MUSK: variants seen among roughly 807,000 people sequenced by gnomAD.
MUSK encodes muscle associated receptor tyrosine kinase, also known as muscle, skeletal receptor tyrosine-protein kinase.
In MUSK, 55 loss-of-function variants were observed where a neutral mutation model predicts 88.7. The ratio of observed to expected loss-of-function variants is 0.62; its 90% confidence interval spans 0.50 to 0.78. The LOEUF (loss-of-function observed/expected upper bound fraction) is 0.78, where lower values mean the gene tolerates loss of function less well. Among genes scored for constraint, MUSK ranks in the 30% least tolerant of loss-of-function variants. MUSK has a pLI of 0.00. For synonymous variants in MUSK, 387 were observed against 391.9 expected (o/e 0.99, Z 0.15); for missense variants, 1,015 against 1,074.3 (o/e 0.94, Z 0.77).
intron 13 of MUSK, among the ~76,000 whole-genome samples, chr9:110,787,016 GA>G (rs2077879846): frequency 6.6e-6 from 1 of 152,164 alleles, no homozygotes; most frequent in Non-Finnish European, 1.5e-5. Context: ...GTACAAAGAT[GA>G]GTAAGCCATA....
In MUSK at chr9:110,802,407, C is replaced by A. The variant is rs142917937; in HGVS notation, c.*1419C>A. On this transcript the variant is annotated 3_prime_UTR_variant, in exon 15 of 15. Coordinates refer to ENST00000374448, the MANE Select transcript of MUSK (RefSeq NM_005592.4). Reference sequence around the variant, plus strand: ...GAGAAAATAACAGTCTACTCTATACCAGCTTATCTTAATTCAGACTAATTG... The same window carrying A: ...GAGAAAATAACAGTCTACTCTATACAAGCTTATCTTAATTCAGACTAATTG... Among the ~76,000 whole-genome samples, 1 of 152,062 alleles carries A rather than the reference C, an allele frequency of 6.6e-6. No homozygotes were observed. The highest frequency in any genetic ancestry group is 2.4e-5 in the African/African-American group (1 of 41,398).
chr9:110,763,493 G>T (rs1444025423), intron 8 of MUSK, among the ~76,000 whole-genome samples: 1 of 152,162 alleles, frequency 6.6e-6, no homozygotes, highest in African/African-American at 2.4e-5. Context: ...GGTTGTACTT[G>T]CTGACCCCTG....
intron 6 of MUSK, among the ~76,000 whole-genome samples, chr9:110,745,079 G>T (rs971514143): frequency 2.0e-5 from 3 of 152,194 alleles, no homozygotes; most frequent in Non-Finnish European, 2.9e-5. Flanking sequence ...GTCACAAACT[G>T]AATCAAGCAA....
At chr9:110,689,406 A>G (rs2076255234) in intron 3 of MUSK, among the ~76,000 whole-genome samples, 1 of 114,752 alleles carries the variant, frequency 8.7e-6, no homozygotes, top group Non-Finnish European at 1.6e-5. Context: ...TGTGAAAAAT[A>G]CATATTTATA....
intron 3 of MUSK, among the ~76,000 whole-genome samples, chr9:110,692,269 C>T (rs2076367304): frequency 6.6e-6 from 1 of 152,176 alleles, no homozygotes; most frequent in East Asian, 1.9e-4. Context: ...AAGCAATCCT[C>T]CTGCTTCAGC....
At chr9:110,743,256 C>T (rs1273237395) in intron 6 of MUSK, among the ~76,000 whole-genome samples, 1 of 152,144 alleles carries the variant, frequency 6.6e-6, no homozygotes, top group African/African-American at 2.4e-5. Flanking sequence ...GAAAGTCCAG[C>T]AACGTGTCCC....
At chr9:110,790,757 T>C (rs79905568) in intron 14 of MUSK, among the ~76,000 whole-genome samples, 2,648 of 152,260 alleles carry the variant, frequency 0.017, 46 homozygotes, top group South Asian at 0.091. Context: ...ACATAAAATA[T>C]AAAATGGACT....
In MUSK at chr9:110,802,548, G is replaced by T. The variant is rs993087837; in HGVS notation, c.*1560G>T. Among the ~76,000 whole-genome samples the T allele has an allele frequency of 6.6e-6, 1 of 152,170 alleles. No homozygotes were observed. Among genetic ancestry groups the T allele is most frequent in the Non-Finnish European group, 1.5e-5 (1 of 68,036 alleles). ...CTCATGTAACAGCTTGACATCTTTG[G>T]TGGGAAACCTGCCATTTCTTATTCA... On this transcript the variant is annotated 3_prime_UTR_variant, in exon 15 of 15. Coordinates refer to ENST00000374448, the MANE Select transcript of MUSK (RefSeq NM_005592.4).
intron 1 of MUSK, among the ~76,000 whole-genome samples, chr9:110,673,277 C>A (rs1384783938): frequency 6.6e-6 from 1 of 152,128 alleles, no homozygotes; most frequent in East Asian, 1.9e-4. Context: ...GAAGTATAAA[C>A]CAACTTTAAC....
At chr9:110,679,906 A>G (rs767949233) in intron 1 of MUSK, among the ~76,000 whole-genome samples, 2 of 152,080 alleles carry the variant, frequency 1.3e-5, no homozygotes, top group Admixed American at 1.3e-4. Flanking sequence ...TTTGTCTAGA[A>G]TTTAATTCCA....
chr9:110,713,444 G>A (rs2076702495), intron 5 of MUSK, among the ~76,000 whole-genome samples: 1 of 151,942 alleles, frequency 6.6e-6, no homozygotes, highest in Non-Finnish European at 1.5e-5. Context: ...ATTTTTAGTG[G>A]AGATGGGGCT....
chr9:110,764,616 T>TAGATTAGAC (rs2077449558), intron 8 of MUSK, among the ~76,000 whole-genome samples: 1 of 74,392 alleles, frequency 1.3e-5, no homozygotes, highest in African/African-American at 4.2e-5. Context: ...GATAGATAGA[T>TAGATTAGAC]AGATAGATAG....
chr9:110,690,836 AAATAT>A (rs1013966891), intron 3 of MUSK, among the ~76,000 whole-genome samples: 14 of 130,278 alleles, frequency 1.1e-4, no homozygotes, highest in Non-Finnish European at 1.7e-4. Context: ...AAATATATAT[AAATAT>A]AAGTATATAT....
chr9:110,681,060 TATATATA>T (rs1452801935), intron 1 of MUSK, among the ~76,000 whole-genome samples: 1 of 23,352 alleles, frequency 4.3e-5, no homozygotes, highest in Non-Finnish European at 7.3e-5. Flanking sequence ...TTATATATTA[TATATATA>T]ATATTATATA....
chr9:110,758,611 G>A (rs1011267611), intron 7 of MUSK, among the ~76,000 whole-genome samples: 4 of 152,160 alleles, frequency 2.6e-5, no homozygotes, highest in African/African-American at 9.7e-5. Context: ...ATCCAAATAG[G>A]AAGAGGGGAA....
At chr9:110,721,840 C>A (rs984004502) in intron 5 of MUSK, among the ~76,000 whole-genome samples, 2 of 152,042 alleles carry the variant, frequency 1.3e-5, no homozygotes, top group Non-Finnish European at 2.9e-5. Context: ...AACTTCAAAC[C>A]ATACTACAAC....
chr9:110,762,219 G>A lies in MUSK; in HGVS notation c.920+11G>A, dbSNP rs748216687. 3.5e-6 allele frequency: 5 copies of A among 1,421,824 alleles called. No individual in the cohort carries two copies. In the South Asian group the frequency reaches 6.4e-5, roughly 18 times the overall value. The allele number at this position is 1,421,824 out of a possible 1,614,324, so 88.1% of individuals were successfully genotyped here. ...GTTAATAGAATGGAGGTAAGAAACT[G>A]TTATTGTAACAATTGTTTCCAATGT... On this transcript the variant is annotated intron_variant, in intron 8 of 14. Transcript: ENST00000374448.
At position 110,687,481 on chromosome 9, in the gene MUSK, C is replaced by T. The variant is rs142976823; in HGVS notation, c.358+213C>T. Among the ~76,000 whole-genome samples the T allele has an allele frequency of 8.7e-3, 1,329 of 151,924 alleles. 19 individuals carry two copies. The highest frequency in any genetic ancestry group is 0.03 in the African/African-American group (1,249 of 41,434). On this transcript the variant is annotated intron_variant, in intron 3 of 14. Transcript: ENST00000374448. ...TCCTGAGTAGCTGGGACTACAGGTG[C>T]GTGCCACCAAGCTCAGCTAATTTTT...
In MUSK at chr9:110,774,059, T is replaced by A. The variant is rs1328767707; in HGVS notation, c.1185-1729T>A. 2.0e-5 allele frequency among the ~76,000 whole-genome samples: 3 copies of A among 152,288 alleles called. No homozygotes were observed. In the East Asian group the frequency reaches 5.8e-4, roughly 29 times the overall value. ...TACCACATCTTTGATTATTTTCTAT[T>A]TTTTATGTGCTCTGGTTCTCTTGCT... On this transcript the variant is annotated intron_variant, in intron 9 of 14. Transcript: ENST00000374448.
Sources: gnomAD v4.1 joint callset for allele counts (sites outside exome capture counted in the v4.1 genomes callset) on GRCh38, gnomAD v4.1.1 for gene constraint, MANE v1.5 for transcripts, NCBI Gene and HGNC (gene_info 2026-07-23, HGNC 2026-07-21) for gene names.